USP34: variants seen among roughly 807,000 people sequenced by gnomAD.
USP34 encodes the protein ubiquitin specific peptidase 34, also known as ubiquitin carboxyl-terminal hydrolase 34.
In USP34, 70 loss-of-function variants were observed where a neutral mutation model predicts 460.3. The observed-to-expected ratio is 0.15, with a 90% confidence interval of 0.13 to 0.19. The LOEUF is 0.19. USP34 is among the 10% of genes least tolerant of loss of function. The pLI is 1.00. For synonymous variants in USP34, 1,647 were observed against 1,405.3 expected (o/e 1.17, Z -3.85); for missense variants, 3,985 against 4,236.2 (o/e 0.94, Z 1.65).
At chr2:61,276,896 C>G (rs1167430312) in intron 41 of USP34, among the ~76,000 whole-genome samples, 1 of 152,188 alleles carries the variant, frequency 6.6e-6, no homozygotes, top group African/African-American at 2.4e-5. Flanking sequence ...ATCTTCTATC[C>G]TTTTGGTTGC....
chr2:61,220,525 T>A, intron 66 of USP34, 68 bp from the exon 67 acceptor site: 5 of 1,425,256 alleles, frequency 3.5e-6, no homozygotes, highest in Non-Finnish European at 4.7e-6. Flanking sequence ...ACTTACTTTT[T>A]GTATATGCTA....
chr2:61,328,265 G>A (rs1365610721), intron 20 of USP34, among the ~76,000 whole-genome samples: 1 of 146,402 alleles, frequency 6.8e-6, no homozygotes, highest in African/African-American at 2.5e-5. Context: ...TCACGACATT[G>A]CACTCCAGCC....
intron 58 of USP34, among the ~76,000 whole-genome samples, chr2:61,230,989 C>T (rs1687879099): frequency 1.3e-5 from 2 of 151,912 alleles, no homozygotes; most frequent in East Asian, 3.8e-4. Flanking sequence ...AAAGTAGAAA[C>T]ATCTCAAATA....
intron 41 of USP34, among the ~76,000 whole-genome samples, chr2:61,275,414 T>C (rs1475268644): frequency 6.6e-6 from 1 of 152,134 alleles, no homozygotes; most frequent in Non-Finnish European, 1.5e-5. Context: ...GGCAGGAGTT[T>C]AAGAACAGCC....
intron 57 of USP34, among the ~76,000 whole-genome samples, chr2:61,235,097 C>T (rs1688027472): frequency 6.6e-6 from 1 of 152,158 alleles, no homozygotes; most frequent in Admixed American, 6.5e-5. Context: ...TGTGTCCTCA[C>T]AACTCGCACA....
At chr2:61,336,860 A>G (rs558358329) in intron 18 of USP34, among the ~76,000 whole-genome samples, 46 of 152,014 alleles carry the variant, frequency 3.0e-4, no homozygotes, top group African/African-American at 1.0e-3. Flanking sequence ...AATCCTCCCA[A>G]AAATAACTGC....
intron 27 of USP34, among the ~76,000 whole-genome samples, 172 bp downstream of exon 27, chr2:61,311,368 T>C (rs940436464): frequency 6.6e-6 from 1 of 151,774 alleles, no homozygotes. Flanking sequence ...CTTTACCTAG[T>C]CTGTAGTATT....
Position 61,228,705 on chromosome 2 carries a change from A to G in USP34, c.7383T>C (p.Leu2461=). 3 of 1,610,962 alleles carry G rather than the reference A, an allele frequency of 1.9e-6. No individual in the cohort carries two copies. Among genetic ancestry groups the G allele is most frequent in the Non-Finnish European group, 2.5e-6 (3 of 1,179,012 alleles). ...CCATTGTAGATATAGCTTGCAATGA[A>G]AGCAAAAATTGGCTCTAAACAAACA... ...KMGEEESQFL[L]SLQAISTMVH... is the part of the protein sequence containing the mutation. The change falls in exon 61 of 80, where the codon CTT becomes CTC. Residue 2461 remains leucine (L), a synonymous_variant. Coordinates refer to ENST00000398571, the MANE Select transcript of USP34 (RefSeq NM_014709.4).
At chr2:61,417,005 T>C (rs1694216652) in intron 2 of USP34, 2 of 1,327,244 alleles carry the variant, frequency 1.5e-6, no homozygotes, top group Admixed American at 1.7e-5. Context: ...GCATTGAACT[T>C]GGTGAAGCCC....
intron 1 of USP34, among the ~76,000 whole-genome samples, chr2:61,441,362 C>T (rs1470759360): frequency 1.3e-5 from 2 of 152,040 alleles, no homozygotes; most frequent in Non-Finnish European, 2.9e-5. Flanking sequence ...TTCTGCGCCC[C>T]ACCTCCCAGC....
chr2:61,193,477 T>G (rs1686702796), intron 75 of USP34: 1 of 152,260 alleles, frequency 6.6e-6, no homozygotes, highest in Non-Finnish European at 1.5e-5. Context: ...AATGCGGCCC[T>G]TAACACCAGT....
chr2:61,197,691 G>T (rs1402836924), intron 75 of USP34, among the ~76,000 whole-genome samples: 1 of 152,064 alleles, frequency 6.6e-6, no homozygotes, highest in African/African-American at 2.4e-5. Flanking sequence ...TTGAACTCCT[G>T]GGCTCAAGTG....
Position 61,395,186 on chromosome 2 carries a change from C to T in USP34, c.600G>A (p.Met200Ile), listed in dbSNP as rs1177375672. The T allele has an allele frequency of 2.0e-6, 3 of 1,496,782 alleles. No individual in the cohort carries two copies. The highest frequency in any genetic ancestry group is 2.7e-6 in the Non-Finnish European group (3 of 1,094,362). 92.7% of individuals were successfully genotyped at this position (1,496,782 alleles called of 1,614,324 possible). A position where few individuals can be genotyped will look rare whatever the true frequency, so the allele number is the denominator to read the frequency against. ...AATAAAAAAGGTAAACACTTACATT[C>T]ATATCACAGAATGCCCCTAATATGT... is the stretch of plus-strand genomic sequence containing the variant. Reference protein sequence around the residue: ...ESNILGAFCDMNDVEVPLHLL... With the variant: ...ESNILGAFCDINDVEVPLHLL... Residue 200 changes from methionine to isoleucine, a missense_variant, in exon 4 of 80, where the codon ATG (methionine) becomes ATA (isoleucine). Physicochemically the swap from Met to Ile is conservative, Grantham distance 10. Coordinates refer to ENST00000398571, the MANE Select transcript of USP34 (RefSeq NM_014709.4).
At position 61,401,959 on chromosome 2, in the gene USP34, G is replaced by A. The variant is rs1204872651; in HGVS notation, c.552+3749C>T. On this transcript the variant is annotated intron_variant, in intron 3 of 79. Transcript: ENST00000398571. Reference sequence around the variant, plus strand: ...CACATAATTATTCAGGATAAAAAATGCAACTAGCATGGCAAGGCACTATGG... The same window carrying A: ...CACATAATTATTCAGGATAAAAAATACAACTAGCATGGCAAGGCACTATGG... 2.6e-5 allele frequency among the ~76,000 whole-genome samples: 4 copies of A among 151,256 alleles called. No homozygotes were observed. The South Asian group carries it at 6.3e-4, about 24-fold the overall frequency.
At chr2:61,338,732 C>T (rs558702388) in intron 18 of USP34, among the ~76,000 whole-genome samples, 1 of 152,024 alleles carries the variant, frequency 6.6e-6, no homozygotes, top group East Asian at 1.9e-4. Flanking sequence ...TCAACTGAGT[C>T]CCAATGAGAA....
chr2:61,277,950 G>A (rs1004407702), intron 41 of USP34: 4 of 522,536 alleles, frequency 7.7e-6, no homozygotes, highest in African/African-American at 3.9e-5. Context: ...CATAAGATGC[G>A]ACTTGCTCGG....
chr2:61,432,386 A>C (rs1429170075), intron 1 of USP34, among the ~76,000 whole-genome samples: 1 of 152,178 alleles, frequency 6.6e-6, no homozygotes, highest in Non-Finnish European at 1.5e-5. Context: ...TGAGGTGGGC[A>C]GACAGCTTGA....
At chr2:61,292,070 G>C (rs1306532222) in intron 33 of USP34, among the ~76,000 whole-genome samples, 1 of 152,074 alleles carries the variant, frequency 6.6e-6, no homozygotes. Context: ...AGCGTTTAGG[G>C]GGAGGTTTCT....
rs59097382 is a variant in USP34 at position 61,194,951 on chromosome 2, C to CA, written c.9509-1972dup. ...CTGGACAACAAGAGTGAAACTCTGTCAAAAAAAAAAAAAAAAAAAGTTTTG... is the reference window on the plus strand; with the variant it reads ...CTGGACAACAAGAGTGAAACTCTGTCAAAAAAAAAAAAAAAAAAAAGTTTTG... On this transcript the variant is annotated intron_variant, in intron 75 of 79. Transcript: ENST00000398571. Among the ~76,000 whole-genome samples the CA allele has an allele frequency of 3.2e-3, 401 of 126,206 alleles. 2 individuals carry two copies. The highest frequency in any genetic ancestry group is 0.016 in the South Asian group (64 of 3,924). The allele number at this position is 126,206 out of a possible 152,430, so 82.8% of individuals were successfully genotyped here. A position where few individuals can be genotyped will look rare whatever the true frequency, so the allele number is the denominator to read the frequency against.
Sources: allele counts gnomAD v4.1 joint callset (sites outside exome capture counted in the v4.1 genomes callset), GRCh38; gene constraint gnomAD v4.1.1; transcripts MANE v1.5; gene names NCBI Gene and HGNC (gene_info 2026-07-23, HGNC 2026-07-21).